The following PRMT8 variants were observed in gnomAD, a reference collection of about 807,000 sequenced individuals.
PRMT8 encodes protein arginine methyltransferase 8, also known as protein arginine N-methyltransferase 8.
PRMT8 carries 7 observed loss-of-function variants against 47.1 expected under a neutral mutation model. The ratio of observed to expected loss-of-function variants is 0.15; its 90% confidence interval spans 0.08 to 0.28. The LOEUF is 0.28. PRMT8 is among the 10% of genes least tolerant of loss of function. PRMT8 has a pLI of 1.00. For synonymous variants in PRMT8, 188 were observed against 186.5 expected (o/e 1.01, Z -0.07); for missense variants, 237 against 505.4 (o/e 0.47, Z 5.09).
At chr12:3,388,792 A>G (rs1270865150) in intron 1 of PRMT8, among the ~76,000 whole-genome samples, 3 of 152,228 alleles carry the variant, frequency 2.0e-5, no homozygotes, top group African/African-American at 4.8e-5. Context: ...TGCTCCAGGC[A>G]AGACAAGAAA....
chr12:3,392,948 G>T (rs1169912875), intron 1 of PRMT8, among the ~76,000 whole-genome samples: 14 of 152,108 alleles, frequency 9.2e-5, no homozygotes, highest in South Asian at 4.2e-4. Context: ...TGATTTGCAT[G>T]TCTCTGATGG....
chr12:3,446,077 C>T (rs1016592239), intron 1 of PRMT8, among the ~76,000 whole-genome samples: 2 of 152,138 alleles, frequency 1.3e-5, no homozygotes, highest in East Asian at 3.9e-4. Context: ...ACTCCCCCTC[C>T]CCACCCTCAG....
At chr12:3,440,984 C>T (rs1185334756) in intron 1 of PRMT8, among the ~76,000 whole-genome samples, 12 of 152,130 alleles carry the variant, frequency 7.9e-5, no homozygotes, top group Non-Finnish European at 1.2e-4. Context: ...GTGCCAATTG[C>T]GCCCTTGTGA....
At chr12:3,480,381 G>A (rs1325294993) in intron 1 of PRMT8, among the ~76,000 whole-genome samples, 2 of 152,310 alleles carry the variant, frequency 1.3e-5, no homozygotes, top group East Asian at 1.9e-4. Flanking sequence ...GACAGTATCT[G>A]TACTCTGAAT....
At chr12:3,531,655 A>G (rs1410219885) in intron 1 of PRMT8, among the ~76,000 whole-genome samples, 1 of 152,014 alleles carries the variant, frequency 6.6e-6, no homozygotes, top group Non-Finnish European at 1.5e-5. Flanking sequence ...GCCTGTGCAC[A>G]GCATGCAGCT....
intron 4 of PRMT8, among the ~76,000 whole-genome samples, chr12:3,565,729 C>T (rs1216425893): frequency 1.3e-5 from 2 of 152,116 alleles, no homozygotes; most frequent in African/African-American, 4.8e-5. Flanking sequence ...CTCTTGTAAT[C>T]CATATTGATG....
chr12:3,507,403 G>A (rs1865647077), intron 1 of PRMT8, among the ~76,000 whole-genome samples: 1 of 152,102 alleles, frequency 6.6e-6, no homozygotes, highest in East Asian at 1.9e-4. Flanking sequence ...TTACAGGCGT[G>A]AACCACCGCG....
intron 2 of PRMT8, among the ~76,000 whole-genome samples, chr12:3,549,465 A>G (rs145510470): frequency 6.6e-6 from 1 of 151,826 alleles, no homozygotes; most frequent in African/African-American, 2.4e-5. Flanking sequence ...CTGCAAAGCC[A>G]ATATGCTGGA....
intron 1 of PRMT8, among the ~76,000 whole-genome samples, chr12:3,510,881 T>G (rs1315615008): frequency 6.6e-6 from 1 of 152,160 alleles, no homozygotes; most frequent in African/African-American, 2.4e-5. Flanking sequence ...CTGCCTCAAC[T>G]TTCCTTACAC....
chr12:3,464,779 A>G (rs1345000265), intron 1 of PRMT8, among the ~76,000 whole-genome samples: 1 of 152,168 alleles, frequency 6.6e-6, no homozygotes, highest in Non-Finnish European at 1.5e-5. Context: ...AGAACTAAGC[A>G]AGTTTCAATC....
chr12:3,578,824 T>C (rs1653423868), intron 7 of PRMT8, among the ~76,000 whole-genome samples: 1 of 152,142 alleles, frequency 6.6e-6, no homozygotes, highest in Admixed American at 6.5e-5. Flanking sequence ...CTGTGGACTT[T>C]AGAAAGGTCC....
chr12:3,401,580 T>C (rs112584359), intron 1 of PRMT8, among the ~76,000 whole-genome samples: 66 of 152,272 alleles, frequency 4.3e-4, no homozygotes, highest in Non-Finnish European at 7.8e-4. Context: ...GAAAACCTAA[T>C]TGTTTCAGCT....
chr12:3,545,367 T>C (rs995045918), intron 2 of PRMT8, among the ~76,000 whole-genome samples: 2 of 152,248 alleles, frequency 1.3e-5, no homozygotes, highest in Admixed American at 1.3e-4. Context: ...AGATATACCA[T>C]CTGTCTTGTT....
intron 1 of PRMT8, 133 bp downstream of exon 1, chr12:3,491,833 TGTGTGTGTG>T (rs1215769619): frequency 0.017 from 739 of 43,730 alleles, 12 homozygotes; most frequent in African/African-American, 0.024. Flanking sequence ...GGCCTCCTCC[TGTGTGTGTG>T]TGTGTGTGTG....
chr12:3,486,049 C>A (rs527312367), intron 1 of PRMT8, among the ~76,000 whole-genome samples: 42 of 152,126 alleles, frequency 2.8e-4, no homozygotes, highest in Admixed American at 5.2e-4. Context: ...TGTGTTATGC[C>A]ACAAGTGACA....
chr12:3,530,831 T>C (rs961571104), intron 1 of PRMT8, among the ~76,000 whole-genome samples: 4 of 152,158 alleles, frequency 2.6e-5, no homozygotes, highest in African/African-American at 9.7e-5. Context: ...TACCACACGC[T>C]CGAATTTCCT....
At chr12:3,529,926 A>G (rs1866003011) in intron 1 of PRMT8, among the ~76,000 whole-genome samples, 1 of 152,190 alleles carries the variant, frequency 6.6e-6, no homozygotes. Flanking sequence ...ACACGGGTGC[A>G]AAGAGATGGT....
chr12:3,425,878 A>G (rs1011053488), intron 1 of PRMT8, among the ~76,000 whole-genome samples: 1 of 152,270 alleles, frequency 6.6e-6, no homozygotes, highest in African/African-American at 2.4e-5. Context: ...CCGCTCAGGG[A>G]TGAACAAGGG....
rs1292572003 is a variant in PRMT8 at position 3,572,386 on chromosome 12, G to T, written c.712+2822G>T. ...AATTTCAAAAATGGAAGGAAACTCG[G>T]TGGATGTTCTATTCAATTTCATGCA... On this transcript the variant is annotated intron_variant, in intron 6 of 9. Transcript: ENST00000382622. This position sits in a 1 kb window ranked among gnomAD's most constrained non-coding sequence, Gnocchi z 5.9. Among the ~76,000 whole-genome samples, 1 of 152,216 alleles carries T rather than the reference G, an allele frequency of 6.6e-6. No homozygotes were observed. Among genetic ancestry groups the T allele is most frequent in the Admixed American group, 6.5e-5 (1 of 15,286 alleles).
Sources: gnomAD v4.1 joint callset for allele counts (sites outside exome capture counted in the v4.1 genomes callset) on GRCh38, gnomAD v4.1.1 for gene constraint, Gnocchi (gnomAD v3.1) non-coding constraint, MANE v1.5 for transcripts, NCBI Gene and HGNC (gene_info 2026-07-23, HGNC 2026-07-21) for gene names.